The following SMOC1 variants were observed in gnomAD, a reference collection of about 807,000 sequenced individuals.
The protein encoded by SMOC1 is SPARC-related modular calcium-binding protein 1.
A neutral mutation model predicts 56.3 loss-of-function variants in SMOC1; 22 were observed. The ratio of observed to expected loss-of-function variants is 0.39; its 90% CI spans 0.28 to 0.56. SMOC1 has a LOEUF of 0.56. SMOC1 is among the 20% of genes least tolerant of loss of function. SMOC1 has a pLI of 0.61. For missense variants in SMOC1, 509 were observed against 565.4 expected, an observed-to-expected ratio of 0.90 and a Z score of 1.01; for synonymous variants, 193 against 215.0, an observed-to-expected ratio of 0.90 and a Z score of 0.89.
intron 1 of SMOC1, among the ~76,000 whole-genome samples, chr14:69,904,874 C>T (rs1566667871): frequency 6.6e-6 from 1 of 152,174 alleles, no homozygotes; most frequent in Non-Finnish European, 1.5e-5. Flanking sequence ...TAGCAGCGAT[C>T]CTTCAACATT....
In SMOC1 at chr14:70,004,687, ACTCT is replaced by A. The variant is rs933700721; in HGVS notation, c.665-6054_665-6051del. 3.3e-5 allele frequency among the ~76,000 whole-genome samples: 5 copies of A among 150,274 alleles called. No homozygotes were observed. The South Asian group carries it at 8.4e-4, about 25-fold the overall frequency. ...TACATAGCCAATTCCTTAAAATATC[ACTCT>A]CTCTCTCTCTCTTTATGTATATGTG... On this transcript the variant is annotated intron_variant, in intron 7 of 11. Coordinates refer to ENST00000361956, the MANE Select transcript of SMOC1 (RefSeq NM_001034852.3).
intron 5 of SMOC1, among the ~76,000 whole-genome samples, chr14:69,978,621 G>T (rs1379187348): frequency 6.6e-6 from 1 of 152,132 alleles, no homozygotes; most frequent in East Asian, 1.9e-4. Flanking sequence ...TCCATAGCAT[G>T]CTTAAAATTT....
rs569286060 is a variant in SMOC1, at chr14:69,897,521, A to G, written c.99+17744A>G. On this transcript the variant is annotated intron_variant, in intron 1 of 11. Coordinates refer to ENST00000361956, the MANE Select transcript of SMOC1 (RefSeq NM_001034852.3). ...CTGCCAGTTGTGTTTTTAATTGAGC[A>G]TTTTTAATGATTTCATTTTCTCTTT... Among the ~76,000 whole-genome samples the G allele has an allele frequency of 4.0e-5, 6 of 151,746 alleles. No individual in the cohort carries two copies. In the South Asian group the frequency reaches 1.0e-3, roughly 26 times the overall value.
At chr14:69,970,913 C>T (rs1883741323) in intron 3 of SMOC1, among the ~76,000 whole-genome samples, 2 of 152,178 alleles carry the variant, frequency 1.3e-5, no homozygotes, top group African/African-American at 4.8e-5. Context: ...TACCACTAGG[C>T]TGTTTATGTA....
intron 10 of SMOC1, among the ~76,000 whole-genome samples, chr14:70,015,552 C>T (rs1005825129): frequency 2.6e-5 from 4 of 152,122 alleles, no homozygotes; most frequent in African/African-American, 9.7e-5. Context: ...CCCGGAGCCC[C>T]CCATGGTCCC....
At chr14:70,014,322 G>A (rs1885435617) in intron 10 of SMOC1, among the ~76,000 whole-genome samples, 1 of 152,220 alleles carries the variant, frequency 6.6e-6, no homozygotes, top group African/African-American at 2.4e-5. Context: ...ACTCAGTCTG[G>A]AGGAGTCAGA....
intron 1 of SMOC1, among the ~76,000 whole-genome samples, chr14:69,900,701 T>A (rs541391819): frequency 6.6e-6 from 1 of 152,184 alleles, no homozygotes; most frequent in African/African-American, 2.4e-5. Flanking sequence ...AAAACAAACA[T>A]GTTCTTGCCT....
At chr14:69,895,962 C>CT (rs1884088296) in intron 1 of SMOC1, among the ~76,000 whole-genome samples, 1 of 150,600 alleles carries the variant, frequency 6.6e-6, no homozygotes, top group African/African-American at 2.4e-5. Context: ...ATCCTAATGC[C>CT]TTAGCCTCCT....
chr14:69,910,526 C>T (rs1884530068), intron 1 of SMOC1, among the ~76,000 whole-genome samples: 1 of 152,076 alleles, frequency 6.6e-6, no homozygotes, highest in South Asian at 2.1e-4. Flanking sequence ...GCACCTTCTG[C>T]CTATAAGACA....
chr14:69,948,436 TC>T (rs1882872041), intron 1 of SMOC1, among the ~76,000 whole-genome samples: 1 of 152,156 alleles, frequency 6.6e-6, no homozygotes, highest in East Asian at 1.9e-4. Flanking sequence ...GGGTGGGGCC[TC>T]TGAAGTTCTT....
intron 1 of SMOC1, among the ~76,000 whole-genome samples, chr14:69,947,085 CGG>C (rs1566684079): frequency 1.5e-4 from 22 of 143,448 alleles, no homozygotes; most frequent in Non-Finnish European, 1.9e-4. Flanking sequence ...AGTCTCAGGC[CGG>C]CCTTCCTTCC....
intron 11 of SMOC1, among the ~76,000 whole-genome samples, chr14:70,027,833 G>A (rs888290009): frequency 2.6e-5 from 4 of 152,170 alleles, no homozygotes; most frequent in Non-Finnish European, 4.4e-5. Flanking sequence ...AATTGGTAGC[G>A]GTAGAGGAAC....
intron 1 of SMOC1, among the ~76,000 whole-genome samples, chr14:69,929,974 G>C (rs1885116377): frequency 6.6e-6 from 1 of 152,158 alleles, no homozygotes; most frequent in African/African-American, 2.4e-5. Flanking sequence ...TACAGGACTT[G>C]AGAGTTCGGC....
rs1337409961 is a variant in SMOC1, at chr14:69,896,605, A to C, written c.99+16828A>C. Among the ~76,000 whole-genome samples, 4 of 152,352 alleles carry C rather than the reference A, an allele frequency of 2.6e-5. No individual in the cohort carries two copies. In the East Asian group the frequency reaches 7.7e-4, roughly 29 times the overall value. ...AAAGCTAAAAGAATACCATCAATAC[A>C]TTGAAAATTTATAATCTGTGGTTTT... On this transcript the variant is annotated intron_variant, in intron 1 of 11. Coordinates refer to ENST00000361956, the MANE Select transcript of SMOC1 (RefSeq NM_001034852.3).
chr14:69,913,899 T>C (rs1884618921), intron 1 of SMOC1, among the ~76,000 whole-genome samples: 2 of 152,218 alleles, frequency 1.3e-5, no homozygotes, highest in Admixed American at 6.5e-5. Context: ...AGAAGCTTTT[T>C]AGAGTATATG....
intron 1 of SMOC1, among the ~76,000 whole-genome samples, chr14:69,918,237 T>TA (rs550952283): frequency 8.6e-4 from 101 of 117,818 alleles, no homozygotes; most frequent in South Asian, 3.8e-3. Context: ...TATATATATA[T>TA]TTTTTTTTTG....
intron 7 of SMOC1, among the ~76,000 whole-genome samples, chr14:70,000,907 G>C (rs1222974485): frequency 6.6e-6 from 1 of 152,180 alleles, no homozygotes; most frequent in Non-Finnish European, 1.5e-5. Flanking sequence ...AGGTGGCCTC[G>C]GCCAACGTCA....
intron 1 of SMOC1, among the ~76,000 whole-genome samples, chr14:69,951,230 G>A (rs1389262802): frequency 6.6e-6 from 1 of 152,140 alleles, no homozygotes; most frequent in Non-Finnish European, 1.5e-5. Flanking sequence ...AAGGCTTCGT[G>A]TAACCTAACT....
At chr14:69,940,794 C>T (rs1442685559) in intron 1 of SMOC1, among the ~76,000 whole-genome samples, 1 of 108,450 alleles carries the variant, frequency 9.2e-6, no homozygotes, top group East Asian at 2.0e-4. Flanking sequence ...ATATCTGGAT[C>T]CCTGGGTCCT....
Sources: gnomAD v4.1 joint callset for allele counts (sites outside exome capture counted in the v4.1 genomes callset) on GRCh38, gnomAD v4.1.1 for gene constraint, MANE v1.5 for transcripts, NCBI Gene and HGNC (gene_info 2026-07-23, HGNC 2026-07-21) for gene names.